Variants in ERMP1 observed in about 807,000 individuals in gnomAD.
ERMP1 encodes Felix-ina.
ERMP1 carries 86 observed loss-of-function variants against 92.0 expected under a neutral mutation model. The ratio of observed to expected loss-of-function variants is 0.93; its 90% CI spans 0.79 to 1.12. The LOEUF (loss-of-function observed/expected upper bound fraction) is 1.12, where lower values mean the gene tolerates loss of function less well. ERMP1 is among the 50% of genes most tolerant of loss of function. The pLI is 0.00. For synonymous variants in ERMP1, 530 were observed against 412.8 expected, an observed-to-expected ratio of 1.28 and a Z score of -3.44; for missense variants, 1,342 against 1,116.3, an observed-to-expected ratio of 1.20 and a Z score of -2.88.
chr9:5,859,541 C>G (rs1830432557), exon 6 of ERMP1, among the ~76,000 whole-genome samples: 1 of 152,200 alleles, frequency 6.6e-6, no homozygotes, highest in Non-Finnish European at 1.5e-5. Flanking sequence ...AAGTGGGCAA[C>G]ATCTTTTACG....
chr9:5,856,909 G>C (rs887657454), intron 6 of ERMP1, among the ~76,000 whole-genome samples: 1 of 152,082 alleles, frequency 6.6e-6, no homozygotes, highest in African/African-American at 2.4e-5. Flanking sequence ...GCCTTCTTGG[G>C]CTTAAGGACA....
chr9:5,846,874 T>A (rs62558108), intron 6 of ERMP1, among the ~76,000 whole-genome samples: 14 of 152,210 alleles, frequency 9.2e-5, no homozygotes, highest in Non-Finnish European at 1.8e-4. Context: ...TAGTTGATTT[T>A]CCTGTTCAGC....
intron 13 of ERMP1, among the ~76,000 whole-genome samples, chr9:5,795,457 C>T (rs570977661): frequency 6.6e-6 from 1 of 152,142 alleles, no homozygotes; most frequent in African/African-American, 2.4e-5. Context: ...AAACTGTCTG[C>T]AGATGATAAG....
intron 6 of ERMP1, among the ~76,000 whole-genome samples, chr9:5,850,825 C>A (rs1830300327): frequency 6.6e-6 from 1 of 152,194 alleles, no homozygotes; most frequent in Non-Finnish European, 1.5e-5. Context: ...GGCAGCCACC[C>A]TGTAATTCTA....
chr9:5,840,504 C>T (rs533841653), intron 6 of ERMP1, among the ~76,000 whole-genome samples: 22 of 152,316 alleles, frequency 1.4e-4, no homozygotes, highest in African/African-American at 5.3e-4. Flanking sequence ...CCATCTTCTC[C>T]CTCCCTACCC....
chr9:5,831,467 G>A (rs1433344088), intron 1 of ERMP1, among the ~76,000 whole-genome samples: 1 of 152,120 alleles, frequency 6.6e-6, no homozygotes, highest in Non-Finnish European at 1.5e-5. Flanking sequence ...CTAGCCAGAT[G>A]TAGACTACTA....
chr9:5,838,310 G>A (rs1354483648), intron 6 of ERMP1, among the ~76,000 whole-genome samples: 1 of 152,014 alleles, frequency 6.6e-6, no homozygotes. Flanking sequence ...GGAAGGTCGA[G>A]GGGGGTGAAT....
At chr9:5,790,169 CTTTTTTTTTTTT>C (rs371493040) in intron 13 of ERMP1, among the ~76,000 whole-genome samples, 2 of 126,808 alleles carry the variant, frequency 1.6e-5, no homozygotes, top group African/African-American at 5.8e-5. Context: ...AAAACAATAC[CTTTTTTTTTTTT>C]TTTTTTTTTT....
intron 6 of ERMP1, among the ~76,000 whole-genome samples, chr9:5,847,256 C>T (rs1830248258): frequency 6.6e-6 from 1 of 152,028 alleles, no homozygotes; most frequent in Admixed American, 6.6e-5. Context: ...TTGTGATGCT[C>T]GATGTGGATG....
chr9:5,863,274 A>G (rs560032056), intron 5 of ERMP1, among the ~76,000 whole-genome samples: 1 of 152,346 alleles, frequency 6.6e-6, no homozygotes, highest in Admixed American at 6.5e-5. Context: ...CTTTCAAAGC[A>G]GGAGTTTCTG....
intron 4 of ERMP1, among the ~76,000 whole-genome samples, chr9:5,822,949 G>C (rs1459602920): frequency 1.3e-5 from 2 of 152,084 alleles, no homozygotes; most frequent in African/African-American, 4.8e-5. Flanking sequence ...GCATAAATAG[G>C]CTAAGTTGAT....
intron 4 of ERMP1, among the ~76,000 whole-genome samples, chr9:5,822,270 T>C (rs964188425): frequency 6.6e-6 from 1 of 152,032 alleles, no homozygotes; most frequent in African/African-American, 2.4e-5. Context: ...TAAATAAATA[T>C]ATAGATATAG....
chr9:5,842,442 A>G (rs2129736747), intron 6 of ERMP1, among the ~76,000 whole-genome samples: 2 of 150,512 alleles, frequency 1.3e-5, no homozygotes, highest in Non-Finnish European at 3.0e-5. Context: ...CTCAAAAAAA[A>G]AAAAAAAAGA....
chr9:5,846,209 A>T (rs1830232187), intron 6 of ERMP1, among the ~76,000 whole-genome samples: 2 of 152,212 alleles, frequency 1.3e-5, no homozygotes, highest in Admixed American at 6.5e-5. Context: ...GGCCAGGGAC[A>T]GCAAGCAAAA....
Position 5,784,734 on chromosome 9 carries a change from A to ATGTT in ERMP1, c.*2406_*2409dup, listed in dbSNP as rs895963430. The ATGTT allele has an allele frequency of 6.6e-6, 1 of 152,602 alleles. No homozygotes were observed. The highest frequency in any genetic ancestry group is 1.5e-5 in the Non-Finnish European group (1 of 68,042). The allele number at this position is 152,602 out of a possible 1,614,324, so 9.5% of individuals were successfully genotyped here. On this transcript the variant is annotated 3_prime_UTR_variant, in exon 15 of 15. Transcript: ENST00000339450. ...TGGTAACATCTTAAGGAATCCTATC[A>ATGTT]TGTTTGTTTATATATGCTAAACTGT...
rs1563739581 is a variant in ERMP1 at position 5,784,756 on chromosome 9, CTGT to C, written c.*2385_*2387del. On this transcript the variant is annotated 3_prime_UTR_variant, in exon 15 of 15. Coordinates refer to ENST00000339450, the MANE Select transcript of ERMP1 (RefSeq NM_024896.3). ...ATCATGTTTGTTTATATATGCTAAA[CTGT>C]AAAAACAAACACTTCATGCGACAAT... The C allele has an allele frequency of 1.2e-4, 15 of 126,710 alleles. No individual in the cohort carries two copies. Among genetic ancestry groups the C allele is most frequent in the African/African-American group, 5.6e-4 (15 of 27,018 alleles). The allele number at this position is 126,710 out of a possible 1,614,324, so 7.8% of individuals were successfully genotyped here.
intron 13 of ERMP1, among the ~76,000 whole-genome samples, chr9:5,796,404 G>A (rs1456123507): frequency 6.6e-6 from 1 of 152,120 alleles, no homozygotes; most frequent in East Asian, 1.9e-4. Context: ...CTAAACATAG[G>A]CTTACCATAT....
intron 4 of ERMP1, among the ~76,000 whole-genome samples, chr9:5,814,851 A>G (rs1173241953): frequency 6.6e-6 from 1 of 152,242 alleles, no homozygotes; most frequent in Admixed American, 6.5e-5. Flanking sequence ...ATTATGATTA[A>G]TATGTTTTAA....
chr9:5,843,268 G>A (rs953608949), intron 6 of ERMP1, among the ~76,000 whole-genome samples: 1 of 152,202 alleles, frequency 6.6e-6, no homozygotes, highest in Non-Finnish European at 1.5e-5. Context: ...GCTCAGCACA[G>A]CCAAATCTGC....
Sources: gnomAD v4.1 joint callset for allele counts (sites outside exome capture counted in the v4.1 genomes callset) on GRCh38, gnomAD v4.1.1 for gene constraint, MANE v1.5 for transcripts, NCBI Gene and HGNC (gene_info 2026-07-23, HGNC 2026-07-21) for gene names.